ENOX1: variants seen among roughly 807,000 people sequenced by gnomAD.
ENOX1 encodes candidate growth-related and time keeping constitutive hydroquinone (NADH) oxidase.
A neutral mutation model predicts 82.5 loss-of-function variants in ENOX1; 42 were observed. That is an observed-to-expected ratio of 0.51 (90% CI 0.40 to 0.66). ENOX1 has a LOEUF of 0.66. ENOX1 is among the 30% of genes least tolerant of loss of function. The probability of loss-of-function intolerance (pLI) is 0.00; values close to 1 mark genes in which losing one functional copy is unlikely to be tolerated. For synonymous variants in ENOX1, 271 were observed against 282.2 expected, an observed-to-expected ratio of 0.96 and a Z score of 0.40; for missense variants, 608 against 811.6, an observed-to-expected ratio of 0.75 and a Z score of 3.05.
intron 1 of ENOX1, among the ~76,000 whole-genome samples, chr13:43,711,867 A>G (rs1186875537): frequency 1.4e-5 from 2 of 147,632 alleles, no homozygotes; most frequent in African/African-American, 5.0e-5. Flanking sequence ...CCCATTTTGT[A>G]GGTTGCCTAT....
intron 5 of ENOX1, among the ~76,000 whole-genome samples, chr13:43,405,339 G>T (rs556944897): frequency 2.6e-5 from 4 of 152,132 alleles, no homozygotes; most frequent in African/African-American, 9.7e-5. Flanking sequence ...GCAGAGGTGC[G>T]TCTGGGCGTT....
chr13:43,518,463 A>G (rs9525796), intron 2 of ENOX1, among the ~76,000 whole-genome samples: 56,120 of 151,724 alleles, frequency 0.37, 12,339 homozygotes, highest in Non-Finnish European at 0.5. Context: ...TTGCATCAAG[A>G]GCTCAGGGGA....
chr13:43,726,393 T>C (rs2088960148), intron 1 of ENOX1, among the ~76,000 whole-genome samples: 1 of 151,984 alleles, frequency 6.6e-6, no homozygotes, highest in Non-Finnish European at 1.5e-5. Context: ...ATTTTTGTAT[T>C]TTTAGTAGAG....
chr13:43,620,646 G>A (rs184771329), intron 2 of ENOX1, among the ~76,000 whole-genome samples: 14 of 152,228 alleles, frequency 9.2e-5, no homozygotes, highest in Non-Finnish European at 1.8e-4. Context: ...AATTTATTAA[G>A]GCTCATTTTA....
At chr13:43,403,475 T>C (rs2053611627) in intron 5 of ENOX1, among the ~76,000 whole-genome samples, 1 of 152,214 alleles carries the variant, frequency 6.6e-6, no homozygotes, top group Non-Finnish European at 1.5e-5. Flanking sequence ...GTCAGTTACC[T>C]TATATAGTAC....
At chr13:43,612,921 C>A (rs2082258172) in intron 2 of ENOX1, among the ~76,000 whole-genome samples, 1 of 152,046 alleles carries the variant, frequency 6.6e-6, no homozygotes, top group Non-Finnish European at 1.5e-5. Context: ...TTAAGCTTTA[C>A]ATTTTGTAAT....
At chr13:43,430,063 C>T (rs1202814449) in intron 3 of ENOX1, among the ~76,000 whole-genome samples, 1 of 152,188 alleles carries the variant, frequency 6.6e-6, no homozygotes, top group Admixed American at 6.5e-5. Flanking sequence ...ACAATAGGCT[C>T]TCAACATGGA....
intron 2 of ENOX1, among the ~76,000 whole-genome samples, chr13:43,552,225 C>T (rs1020049833): frequency 6.6e-6 from 1 of 152,014 alleles, no homozygotes; most frequent in Non-Finnish European, 1.5e-5. Flanking sequence ...AAGGAGCATG[C>T]CAGGGAGGCC....
chr13:43,223,939 T>TC, intron 16 of ENOX1, 114 bp downstream of exon 16: 2 of 703,234 alleles, frequency 2.8e-6, no homozygotes, highest in Admixed American at 5.3e-5. Context: ...GAAGGGCTGA[T>TC]CAACCCCCAT....
chr13:43,578,012 G>T (rs9533533), intron 2 of ENOX1, among the ~76,000 whole-genome samples: 31,151 of 151,948 alleles, frequency 0.21, 4,333 homozygotes, highest in East Asian at 0.74. Context: ...GGATCCAGAG[G>T]CTTGATCAAC....
In ENOX1 at chr13:43,361,447, T is replaced by C. The variant is rs1431116416; in HGVS notation, c.214A>G (p.Ile72Val). 7 of 1,610,796 alleles carry C rather than the reference T, an allele frequency of 4.3e-6. No homozygotes were observed. The highest frequency in any genetic ancestry group is 5.9e-6 in the Non-Finnish European group (7 of 1,179,244). ...LPGQQLVSDS[I>V]CVPGFDPSLN... ...CTTGGATCAAAGCCTGGGACACAGA[T>C]TGAGTCTGTAAAGTATACAAGATAA... is the stretch of plus-strand genomic sequence containing the variant. The change falls in exon 6 of 17, where the codon ATC becomes GTC. Residue 72 changes from isoleucine to valine, a missense_variant. Physicochemically the swap from Ile to Val is conservative, Grantham distance 29. Transcript: ENST00000690772.
intron 14 of ENOX1, among the ~76,000 whole-genome samples, chr13:43,247,077 T>G (rs944884564): frequency 5.3e-5 from 8 of 152,300 alleles, no homozygotes; most frequent in African/African-American, 1.9e-4. Flanking sequence ...ATCCCAGCAC[T>G]TTGGGAGGCC....
chr13:43,569,821 T>A (rs2080094290), intron 2 of ENOX1, among the ~76,000 whole-genome samples: 1 of 152,224 alleles, frequency 6.6e-6, no homozygotes, highest in African/African-American at 2.4e-5. Context: ...TTTTGCTTTT[T>A]TGTCTGCTTG....
At chr13:43,565,038 G>T (rs2079857879) in intron 2 of ENOX1, among the ~76,000 whole-genome samples, 1 of 152,148 alleles carries the variant, frequency 6.6e-6, no homozygotes, top group Non-Finnish European at 1.5e-5. Flanking sequence ...AAGGGGAGAA[G>T]CAATGGATAC....
rs773097948 is a variant in ENOX1, at chr13:43,356,049, C to A, written c.693G>T (p.Lys231Asn). The change falls in exon 8 of 17, where the codon AAG becomes AAT. Residue 231 changes from lysine (K) to asparagine (N), a missense_variant. By Grantham distance (94) the Lys-to-Asn change is moderately conservative. Transcript: ENST00000690772. ...ARDDFYEWEC[K>N]QRMRAREERH... ...GCTCCTCCCGGGCACGCATCCTCTGCTTGCATTCCCACTCATAGAAGTCAT... is the reference window on the plus strand; with the variant it reads ...GCTCCTCCCGGGCACGCATCCTCTGATTGCATTCCCACTCATAGAAGTCAT... The A allele has an allele frequency of 2.5e-6, 4 of 1,614,090 alleles. No homozygotes were observed. The highest frequency in any genetic ancestry group is 3.4e-6 in the Non-Finnish European group (4 of 1,180,058).
At chr13:43,389,177 C>T (rs779089347) in intron 5 of ENOX1, among the ~76,000 whole-genome samples, 3 of 152,156 alleles carry the variant, frequency 2.0e-5, no homozygotes, top group Admixed American at 6.6e-5. Flanking sequence ...GATGTCTCAA[C>T]AGTAACTAAA....
intron 5 of ENOX1, 27 bp from the exon 6 acceptor site, chr13:43,361,479 G>T (rs764837407): frequency 7.0e-6 from 11 of 1,575,154 alleles, no homozygotes; most frequent in South Asian, 2.4e-5. Context: ...ATAACATTTT[G>T]ACTGGAGATT....
At chr13:43,238,949 C>G (rs967959196) in intron 14 of ENOX1, among the ~76,000 whole-genome samples, 1 of 152,110 alleles carries the variant, frequency 6.6e-6, no homozygotes, top group African/African-American at 2.4e-5. Context: ...AAGGGTGGAA[C>G]AGACAGACCA....
At chr13:43,594,384 T>A (rs2081371061) in intron 2 of ENOX1, among the ~76,000 whole-genome samples, 1 of 151,994 alleles carries the variant, frequency 6.6e-6, no homozygotes, top group African/African-American at 2.4e-5. Flanking sequence ...ATAAGGAGAG[T>A]TATATTTGTA....
Sources: gnomAD v4.1 joint callset for allele counts (sites outside exome capture counted in the v4.1 genomes callset) on GRCh38, gnomAD v4.1.1 for gene constraint, MANE v1.5 for transcripts, NCBI Gene and HGNC (gene_info 2026-07-23, HGNC 2026-07-21) for gene names.